Variants in ZNF106 observed in about 807,000 individuals in gnomAD.
ZNF106 encodes the protein zinc finger protein 106.
A neutral mutation model predicts 195.1 loss-of-function variants in ZNF106; 67 were observed. The ratio of observed to expected loss-of-function variants is 0.34; its 90% confidence interval spans 0.28 to 0.42. The LOEUF (loss-of-function observed/expected upper bound fraction) is 0.42, where lower values mean the gene tolerates loss of function less well. ZNF106 is among the 10% of genes least tolerant of loss of function. ZNF106 has a pLI of 1.00. For synonymous variants in ZNF106, 784 were observed against 818.6 expected (o/e 0.96, Z 0.72); for missense variants, 2,118 against 2,304.5 (o/e 0.92, Z 1.66).
chr15:42,448,743 TA>T lies in ZNF106; in HGVS notation c.2502-39del, dbSNP rs575567088. 81 of 1,550,780 alleles carry T rather than the reference TA, an allele frequency of 5.2e-5. 1 individual carries two copies. In the South Asian group the frequency reaches 8.7e-4, roughly 17 times the overall value. Reference sequence around the variant, plus strand: ...AGAAAAAATGAAAACATAAATTGGATATGGTTGTTGGGAGGGGCATTATTTT... The same window carrying T: ...AGAAAAAATGAAAACATAAATTGGATTGGTTGTTGGGAGGGGCATTATTTT... On this transcript the variant is annotated intron_variant, in intron 5 of 21. Transcript: ENST00000564754.
chr15:42,420,078 G>A (rs1369112628), intron 20 of ZNF106, among the ~76,000 whole-genome samples: 2 of 152,174 alleles, frequency 1.3e-5, no homozygotes, highest in South Asian at 4.1e-4. Flanking sequence ...CTCTATTTGT[G>A]TACTCTGGAT....
Position 42,448,086 on chromosome 15 carries a change from G to A in ZNF106, c.3121C>T (p.Arg1041Ter), listed in dbSNP as rs760386511. The part of the protein sequence containing the change: ...QNDGQSIRKK[R>*]RATGDGSSPE... Reference sequence around the variant, plus strand: ...ATTATACTCACTCCAGTGGCTCTTCGTTTCTTTCTAATACTTTGGCCATCA... The same window carrying A: ...ATTATACTCACTCCAGTGGCTCTTCATTTCTTTCTAATACTTTGGCCATCA... The change falls in exon 6 of 22, where the codon CGA (arginine) becomes TGA (stop). Residue 1041 changes from arginine (R) to a stop codon, truncating the protein, a stop_gained. Transcript: ENST00000564754. LOFTEE classifies it high-confidence loss of function. The A allele has an allele frequency of 1.9e-6, 3 of 1,611,138 alleles. No individual in the cohort carries two copies. The highest frequency in any genetic ancestry group is 1.7e-6 in the Non-Finnish European group (2 of 1,177,934).
At chr15:42,420,490 G>A (rs1256785774) in intron 20 of ZNF106, among the ~76,000 whole-genome samples, 7 of 152,070 alleles carry the variant, frequency 4.6e-5, no homozygotes, top group Non-Finnish European at 1.0e-4. Context: ...GTGGGCAAGC[G>A]TAAAGTCGAA....
intron 10 of ZNF106, 22 bp downstream of exon 10, chr15:42,442,051 A>G (rs1329257956): frequency 1.3e-6 from 2 of 1,582,394 alleles, no homozygotes; most frequent in Non-Finnish European, 1.7e-6. Flanking sequence ...GATGCCCTTA[A>G]CCCAGAGAAA....
intron 1 of ZNF106, among the ~76,000 whole-genome samples, chr15:42,480,292 T>G (rs1291193158): frequency 1.3e-5 from 2 of 152,214 alleles, no homozygotes; most frequent in Non-Finnish European, 2.9e-5. Context: ...GACCTTTTAT[T>G]GTTATGATAT....
chr15:42,417,144 C>G lies in ZNF106; in HGVS notation c.*160G>C. ...GCAAGAACTTAAAAGTGTAATTTAT[C>G]ATCCCATAGAGCTGCCCAGACTTAT... On this transcript the variant is annotated 3_prime_UTR_variant, in exon 22 of 22. Transcript: ENST00000564754. 1 of 639,578 alleles carries G rather than the reference C, an allele frequency of 1.6e-6. No homozygotes were observed. Among genetic ancestry groups the G allele is most frequent in the Non-Finnish European group, 2.7e-6 (1 of 374,928 alleles). The allele number at this position is 639,578 out of a possible 1,614,324, so 39.6% of individuals were successfully genotyped here.
chr15:42,448,677 G>T lies in ZNF106; in HGVS notation c.2530C>A (p.Gln844Lys). 1 of 1,607,770 alleles carries T rather than the reference G, an allele frequency of 6.2e-7. No homozygotes were observed. Among genetic ancestry groups the T allele is most frequent in the South Asian group, 1.1e-5 (1 of 90,662 alleles). The change falls in exon 6 of 22, where the codon CAA becomes AAA. Residue 844 changes from glutamine (Q) to lysine (K), a missense_variant. By Grantham distance (53) the Gln-to-Lys change is moderately conservative (BLOSUM62 1). Transcript: ENST00000564754. ...AAATCTAAGGCTTCTTGTTCATTTT[G>T]AACAAGGGGTACCATTTCTATGCCA... ...RFGIEMVPLVQNEQEALDLDG... is the reference protein window; with the variant it reads ...RFGIEMVPLVKNEQEALDLDG...
At chr15:42,468,135 G>A (rs1263448441) in intron 2 of ZNF106, among the ~76,000 whole-genome samples, 1 of 148,578 alleles carries the variant, frequency 6.7e-6, no homozygotes, top group Non-Finnish European at 1.5e-5. Flanking sequence ...GAGAGCAGCG[G>A]CTCGATCTCG....
rs1173664710 is a variant in ZNF106 at position 42,448,148 on chromosome 15, G to A, written c.3059C>T (p.Ala1020Val). 1 of 1,613,992 alleles carries A rather than the reference G, an allele frequency of 6.2e-7. No homozygotes were observed. Among genetic ancestry groups the A allele is most frequent in the East Asian group, 2.2e-5 (1 of 44,880 alleles). The change falls in exon 6 of 22, where the codon GCC (alanine) becomes GTC (valine). Residue 1020 changes from alanine (A) to valine (V), a missense_variant. Ala to Val is a moderately conservative substitution (Grantham distance 64, BLOSUM62 0). Coordinates refer to ENST00000564754, the MANE Select transcript of ZNF106 (RefSeq NM_001366845.3). The part of the protein sequence containing the change: ...ALAISSLADA[A>V]TDSSCTSGAE... ...ACCAGAGGTACAGCTACTATCTGTG[G>A]CTGCATCCGCTAAACTGGAGATCGC...
At chr15:42,472,448 G>T in intron 1 of ZNF106, 127 bp from the exon 2 acceptor site, 1 of 628,724 alleles carries the variant, frequency 1.6e-6, no homozygotes, top group Non-Finnish European at 2.6e-6. Flanking sequence ...AGATCTTTCC[G>T]TTTCCAGGTG....
intron 16 of ZNF106, chr15:42,424,593 C>A (rs979002492): frequency 3.1e-5 from 13 of 425,962 alleles, no homozygotes; most frequent in African/African-American, 2.4e-4. Context: ...TCAAGTGATT[C>A]TCCCACCTCA....
chr15:42,421,769 T>A (rs901011616), intron 19 of ZNF106, 148 bp downstream of exon 19: 6 of 525,416 alleles, frequency 1.1e-5, no homozygotes, highest in Non-Finnish European at 1.9e-5. Flanking sequence ...TTCAACACTG[T>A]CCCCTGGTTA....
chr15:42,479,931 C>T (rs1173905412), intron 1 of ZNF106, among the ~76,000 whole-genome samples: 1 of 152,156 alleles, frequency 6.6e-6, no homozygotes, highest in Non-Finnish European at 1.5e-5. Context: ...CTCACTGCAG[C>T]CTCAACCTTC....
chr15:42,484,757 T>C (rs902777213), intron 1 of ZNF106, among the ~76,000 whole-genome samples: 1 of 150,432 alleles, frequency 6.6e-6, no homozygotes. Context: ...ACAAACAGCA[T>C]TGCTGTCTGC....
rs566416464 is a variant in ZNF106 at position 42,435,682 on chromosome 15, A to G, written c.4747-164T>C. Among the ~76,000 whole-genome samples the G allele has an allele frequency of 2.0e-5, 3 of 152,320 alleles. No individual in the cohort carries two copies. The South Asian group carries it at 6.2e-4, about 32-fold the overall frequency. On this transcript the variant is annotated intron_variant, in intron 13 of 21. Coordinates refer to ENST00000564754, the MANE Select transcript of ZNF106 (RefSeq NM_001366845.3). The stretch of plus-strand genomic sequence containing the variant: ...GATGCTCAGTAAATGTATGTTCACC[A>G]AGTGCCTAGCAAACAGTCACAGGCA...
At chr15:42,465,995 C>T in intron 3 of ZNF106, 58 bp downstream of exon 3, 1 of 1,365,690 alleles carries the variant, frequency 7.3e-7, no homozygotes, top group Non-Finnish European at 9.9e-7. Context: ...TGACAGGCAC[C>T]ATCATCACTC....
intron 14 of ZNF106, among the ~76,000 whole-genome samples, chr15:42,429,066 T>G (rs896984515): frequency 2.0e-5 from 3 of 151,686 alleles, no homozygotes; most frequent in Admixed American, 1.3e-4. Context: ...AAACGATTTC[T>G]ACCAATTTCC....
chr15:42,422,050 T>TCC lies in ZNF106; in HGVS notation c.5374-64_5374-63dup, dbSNP rs1052724712. The TCC allele has an allele frequency of 6.9e-6, 10 of 1,439,068 alleles. No homozygotes were observed. The African/African-American group carries it at 1.4e-4, about 20-fold the overall frequency. 89.1% of individuals were successfully genotyped at this position (1,439,068 alleles called of 1,614,324 possible). A position where few individuals can be genotyped will look rare whatever the true frequency, so the allele number is the denominator to read the frequency against. The stretch of plus-strand genomic sequence containing the variant: ...TATACCTTGCGTTTAATAAGTACAG[T>TCC]CCCTAAAGGCCTTTGGCAGGTTTAA... On this transcript the variant is annotated intron_variant, in intron 18 of 21. Coordinates refer to ENST00000564754, the MANE Select transcript of ZNF106 (RefSeq NM_001366845.3).
At position 42,450,341 on chromosome 15, in the gene ZNF106, G is replaced by C. The variant is rs2141356263; in HGVS notation, c.1931C>G (p.Thr644Ser). 6.2e-7 allele frequency: 1 copy of C among 1,614,188 alleles called. No individual in the cohort carries two copies. The change falls in exon 5 of 22, where the codon ACT (threonine) becomes AGT (serine). Residue 644 changes from threonine to serine, a missense_variant. Thr to Ser is a moderately conservative substitution (Grantham distance 58, BLOSUM62 1). Transcript: ENST00000564754. ...TTELLSGSTR[T>S]ADEKEEDDRI... The stretch of plus-strand genomic sequence containing the variant: ...GTCATCCTCCTCTTTCTCATCAGCA[G>C]TTCGAGTGCTGCCAGATAACAATTC...
Sources: gnomAD v4.1 joint callset for allele counts (sites outside exome capture counted in the v4.1 genomes callset) on GRCh38, gnomAD v4.1.1 for gene constraint, MANE v1.5 for transcripts, NCBI Gene and HGNC (gene_info 2026-07-23, HGNC 2026-07-21) for gene names.